UBE2R2: variants seen among roughly 807,000 people sequenced by gnomAD.
The protein encoded by UBE2R2 is ubiquitin-conjugating enzyme E2 R2.
In UBE2R2, 1 loss-of-function variant was observed where a neutral mutation model predicts 27.8. That is an observed-to-expected ratio of 0.04 (90% CI 0.01 to 0.17). The LOEUF is 0.17. UBE2R2 is among the 10% of genes least tolerant of loss of function. UBE2R2 has a pLI of 1.00. For missense variants in UBE2R2, 100 were observed against 291.0 expected (o/e 0.34, Z 4.78); for synonymous variants, 106 against 113.3 (o/e 0.94, Z 0.41).
intron 1 of UBE2R2, among the ~76,000 whole-genome samples, chr9:33,858,984 C>A (rs936413206): frequency 6.6e-6 from 1 of 151,950 alleles, no homozygotes; most frequent in Non-Finnish European, 1.5e-5. Flanking sequence ...TGCCACCACA[C>A]CCGGCTAATT....
chr9:33,877,823 G>GTCTGTCTC, intron 1 of UBE2R2, among the ~76,000 whole-genome samples: 64 of 131,124 alleles, frequency 4.9e-4, no homozygotes, highest in Non-Finnish European at 5.2e-4. Context: ...CTGTCTGTCT[G>GTCTGTCTC]TCTCTCTCTC....
chr9:33,853,412 G>A (rs1280923951), intron 1 of UBE2R2, among the ~76,000 whole-genome samples: 1 of 150,050 alleles, frequency 6.7e-6, no homozygotes, highest in Non-Finnish European at 1.5e-5. Flanking sequence ...TCAGCCTCCT[G>A]AATAGCTGGG....
chr9:33,843,164 T>C (rs1414486685), intron 1 of UBE2R2, among the ~76,000 whole-genome samples: 1 of 149,272 alleles, frequency 6.7e-6, no homozygotes, highest in Non-Finnish European at 1.5e-5. Flanking sequence ...TTCTTCTGCC[T>C]CAGCCTCCCA....
chr9:33,897,024 A>ATTTTTTTTTT lies in UBE2R2; in HGVS notation c.265-3129_265-3120dup, dbSNP rs749987839. Among the ~76,000 whole-genome samples the ATTTTTTTTTT allele has an allele frequency of 3.4e-4, 14 of 40,634 alleles. 4 individuals are homozygous for ATTTTTTTTTT. The highest frequency in any genetic ancestry group is 2.3e-3 in the Admixed American group (5 of 2,150). 26.7% of individuals were successfully genotyped at this position (40,634 alleles called of 152,430 possible). Reference sequence around the variant, plus strand: ...CCAAGTAGCATACTTCTGTGGCCTAATTTTTTTTTTTTTTTTTTTTTTTTT... The same window carrying ATTTTTTTTTT: ...CCAAGTAGCATACTTCTGTGGCCTAATTTTTTTTTTTTTTTTTTTTTTTTTTTTTTTTTTT... On this transcript the variant is annotated intron_variant, in intron 2 of 4. Coordinates refer to ENST00000263228, the MANE Select transcript of UBE2R2 (RefSeq NM_017811.4).
intron 1 of UBE2R2, among the ~76,000 whole-genome samples, chr9:33,883,405 A>T (rs1851466809): frequency 6.6e-6 from 1 of 151,610 alleles, no homozygotes; most frequent in African/African-American, 2.4e-5. Flanking sequence ...GATTTCCACT[A>T]CTCCCCCTTA....
intron 1 of UBE2R2, among the ~76,000 whole-genome samples, chr9:33,863,750 T>C (rs1821299483): frequency 6.6e-6 from 1 of 152,124 alleles, no homozygotes; most frequent in Admixed American, 6.6e-5. Flanking sequence ...TGCAGTGGCA[T>C]GATCTCGGTT....
At chr9:33,898,827 A>G (rs1822182134) in intron 2 of UBE2R2, among the ~76,000 whole-genome samples, 1 of 152,266 alleles carries the variant, frequency 6.6e-6, no homozygotes, top group Non-Finnish European at 1.5e-5. Context: ...GCTAAGTCCA[A>G]GAGATAAGTC....
intron 1 of UBE2R2, among the ~76,000 whole-genome samples, chr9:33,846,472 G>A (rs1020102402): frequency 2.3e-4 from 35 of 151,980 alleles, no homozygotes; most frequent in Admixed American, 3.3e-4. Context: ...CATTCCTTGC[G>A]CCTAAAAGTA....
At chr9:33,880,108 A>G (rs1587465370) in intron 1 of UBE2R2, among the ~76,000 whole-genome samples, 1 of 150,746 alleles carries the variant, frequency 6.6e-6, no homozygotes, top group South Asian at 2.1e-4. Context: ...CTGCCCTCCA[A>G]CTCCTGCGCT....
chr9:33,888,435 C>G (rs1821910898), intron 2 of UBE2R2, among the ~76,000 whole-genome samples: 1 of 152,182 alleles, frequency 6.6e-6, no homozygotes, highest in African/African-American at 2.4e-5. Flanking sequence ...AGTCATGCAT[C>G]AGTTCTTTTT....
At chr9:33,840,678 A>G (rs912242529) in intron 1 of UBE2R2, among the ~76,000 whole-genome samples, 1 of 152,132 alleles carries the variant, frequency 6.6e-6, no homozygotes, top group African/African-American at 2.4e-5. Flanking sequence ...CTCAGTGCCC[A>G]GATCCATTAA....
rs567821689 is a variant in UBE2R2 at position 33,853,353 on chromosome 9, G to A, written c.178-33528G>A. The stretch of plus-strand genomic sequence containing the variant: ...TGCCTAGGCTGGAGTGCAGTGGTGC[G>A]ACCTTGGCTAACTGCAACCTCTGCC... On this transcript the variant is annotated intron_variant, in intron 1 of 4. Coordinates refer to ENST00000263228, the MANE Select transcript of UBE2R2 (RefSeq NM_017811.4). Among the ~76,000 whole-genome samples the A allele has an allele frequency of 1.3e-4, 19 of 142,778 alleles. No individual in the cohort carries two copies. The South Asian group carries it at 2.8e-3, about 21-fold the overall frequency. 93.7% of individuals were successfully genotyped at this position (142,778 alleles called of 152,430 possible).
rs75187599 is a variant in UBE2R2, at chr9:33,892,912, A to T, written c.264+5945A>T. On this transcript the variant is annotated intron_variant, in intron 2 of 4. Coordinates refer to ENST00000263228, the MANE Select transcript of UBE2R2 (RefSeq NM_017811.4). Reference sequence around the variant, plus strand: ...TCTAGAGTCCAATAACTTCCTTATTAAAAAAAAAAGAATTTATTGAGATGA... The same window carrying T: ...TCTAGAGTCCAATAACTTCCTTATTTAAAAAAAAAGAATTTATTGAGATGA... Among the ~76,000 whole-genome samples the T allele has an allele frequency of 1.1e-4, 14 of 126,318 alleles. No homozygotes were observed. The East Asian group carries it at 2.4e-3, about 21-fold the overall frequency. 82.9% of individuals were successfully genotyped at this position (126,318 alleles called of 152,430 possible). A position where few individuals can be genotyped will look rare whatever the true frequency, so the allele number is the denominator to read the frequency against.
chr9:33,887,107 C>T, intron 2 of UBE2R2, 140 bp downstream of exon 2: 1 of 673,714 alleles, frequency 1.5e-6, no homozygotes, highest in East Asian at 3.0e-5. Flanking sequence ...CTTCAGTTAA[C>T]AGTTTCTGGA....
chr9:33,900,210 G>A lies in UBE2R2; in HGVS notation c.301G>A (p.Val101Ile). 1 of 1,613,302 alleles carries A rather than the reference G, an allele frequency of 6.2e-7. No individual in the cohort carries two copies. The highest frequency in any genetic ancestry group is 8.5e-7 in the Non-Finnish European group (1 of 1,179,512). ...ATGCATTTCGATTCTTCATCCGCCT[G>A]TAGATGACCCACAGAGTGGAGAACT... Reference protein sequence around the residue: ...DVCISILHPPVDDPQSGELPS... With the variant: ...DVCISILHPPIDDPQSGELPS... The change falls in exon 3 of 5, where the codon GTA becomes ATA. Residue 101 changes from valine (V) to isoleucine (I), a missense_variant. Transcript: ENST00000263228.
At chr9:33,856,708 CT>C (rs375057192) in intron 1 of UBE2R2, among the ~76,000 whole-genome samples, 2,012 of 144,498 alleles carry the variant, frequency 0.014, 31 homozygotes, top group African/African-American at 0.044. Flanking sequence ...CTGAAGTTTT[CT>C]TTTTTTTTTT....
intron 2 of UBE2R2, among the ~76,000 whole-genome samples, chr9:33,898,383 CTCT>C (rs1304886273): frequency 2.0e-5 from 3 of 151,976 alleles, no homozygotes; most frequent in African/African-American, 7.2e-5. Flanking sequence ...CCTGGCCTCT[CTCT>C]TCTTTTATCT....
At chr9:33,844,539 T>TA (rs1554672192) in intron 1 of UBE2R2, among the ~76,000 whole-genome samples, 3 of 125,148 alleles carry the variant, frequency 2.4e-5, no homozygotes, top group South Asian at 5.5e-4. Context: ...TTTTTTTTTT[T>TA]ACCATCAGTT....
At chr9:33,825,171 C>T (rs1044192182) in intron 1 of UBE2R2, among the ~76,000 whole-genome samples, 22 of 151,156 alleles carry the variant, frequency 1.5e-4, no homozygotes, top group African/African-American at 4.4e-4. Flanking sequence ...ATCGGCCAGG[C>T]GGTCGCCTGT....
Sources: gnomAD v4.1 joint callset for allele counts (sites outside exome capture counted in the v4.1 genomes callset) on GRCh38, gnomAD v4.1.1 for gene constraint, MANE v1.5 for transcripts, NCBI Gene and HGNC (gene_info 2026-07-23, HGNC 2026-07-21) for gene names.